SLC8A1: variants seen among roughly 807,000 people sequenced by gnomAD.
SLC8A1 encodes solute carrier family 8 member A1, also known as sodium/calcium exchanger 1.
Under a neutral mutation model 68.3 loss-of-function variants are expected in SLC8A1, and 18 were observed. That is an observed-to-expected ratio of 0.26 (90% CI 0.18 to 0.39). SLC8A1 has a LOEUF of 0.39. SLC8A1 is among the 10% of genes least tolerant of loss of function. The pLI is 1.00. For synonymous variants in SLC8A1, 475 were observed against 415.5 expected (o/e 1.14, Z -1.74); for missense variants, 985 against 1,156.7 (o/e 0.85, Z 2.15).
At chr2:40,233,484 T>C (rs1360227104) in intron 2 of SLC8A1, among the ~76,000 whole-genome samples, 1 of 144,188 alleles carries the variant, frequency 6.9e-6, no homozygotes, top group Non-Finnish European at 1.5e-5. Flanking sequence ...TCATTGTAGA[T>C]TCTGGATATT....
chr2:40,429,382 A>T, exon 2 of SLC8A1: 1 of 1,613,868 alleles, frequency 6.2e-7, no homozygotes, highest in Non-Finnish European at 8.5e-7. Flanking sequence ...GAAATTTTCA[A>T]CATGAGAATT....
chr2:40,273,858 C>CA (rs1031555848), intron 2 of SLC8A1, among the ~76,000 whole-genome samples: 2 of 148,136 alleles, frequency 1.4e-5, no homozygotes, highest in South Asian at 2.1e-4. Flanking sequence ...GTTAATATGC[C>CA]AAGTCCTTTT....
Position 40,211,896 on chromosome 2 carries a change from T to TA in SLC8A1, c.1809-34042dup, listed in dbSNP as rs1221876460. Among the ~76,000 whole-genome samples the TA allele has an allele frequency of 3.3e-5, 5 of 152,296 alleles. No homozygotes were observed. The East Asian group carries it at 9.7e-4, about 29-fold the overall frequency. On this transcript the variant is annotated intron_variant, in intron 2 of 7. Coordinates refer to ENST00000406785, the Ensembl canonical transcript of SLC8A1. ...GTGAAGTGATGTGTCTGTCACACACTAAAAACATAAAAGATGATGCATGAA... is the reference window on the plus strand; with the variant it reads ...GTGAAGTGATGTGTCTGTCACACACTAAAAAACATAAAAGATGATGCATGAA...
chr2:40,348,688 G>T (rs558626786), intron 2 of SLC8A1, among the ~76,000 whole-genome samples: 1 of 152,214 alleles, frequency 6.6e-6, no homozygotes, highest in Non-Finnish European at 1.5e-5. Context: ...AGGGCAGCTA[G>T]TGCTGAAACG....
intron 2 of SLC8A1, among the ~76,000 whole-genome samples, chr2:40,411,127 T>G (rs901221885): frequency 3.3e-4 from 50 of 152,206 alleles, no homozygotes; most frequent in African/African-American, 1.2e-3. Context: ...CATTAGGAAC[T>G]TTGAAAAACA....
chr2:40,406,261 G>A (rs1022187697), intron 2 of SLC8A1, among the ~76,000 whole-genome samples: 2 of 152,160 alleles, frequency 1.3e-5, no homozygotes, highest in Non-Finnish European at 2.9e-5. Flanking sequence ...GTTAGGCAGT[G>A]TAAAAATAAT....
intron 1 of SLC8A1, among the ~76,000 whole-genome samples, chr2:40,465,609 A>T (rs1053781777): frequency 1.3e-5 from 2 of 152,128 alleles, no homozygotes; most frequent in African/African-American, 4.8e-5. Context: ...TTTATTATAA[A>T]ATGTTACCAT....
chr2:40,103,515 G>A (rs750300415), exon 8 of SLC8A1: 4 of 152,084 alleles, frequency 2.6e-5, no homozygotes, highest in Admixed American at 6.5e-5. Context: ...CCTGGTCATT[G>A]CACATCCTGT....
chr2:40,432,277 T>C (rs1698487643), intron 1 of SLC8A1, among the ~76,000 whole-genome samples: 1 of 151,902 alleles, frequency 6.6e-6, no homozygotes, highest in African/African-American at 2.4e-5. Flanking sequence ...ACAAAGTCTC[T>C]GTCCTCACAG....
chr2:40,386,738 G>T (rs1331183155), intron 2 of SLC8A1, among the ~76,000 whole-genome samples: 1 of 150,824 alleles, frequency 6.6e-6, no homozygotes, highest in Non-Finnish European at 1.5e-5. Context: ...AACCCATGAT[G>T]GATGAGCATT....
intron 2 of SLC8A1, among the ~76,000 whole-genome samples, chr2:40,365,346 A>G (rs1476789231): frequency 1.3e-5 from 2 of 152,166 alleles, no homozygotes; most frequent in Non-Finnish European, 2.9e-5. Flanking sequence ...CTTCAGGGCT[A>G]TATCTTTACA....
chr2:40,196,914 G>C (rs116182341), intron 2 of SLC8A1, among the ~76,000 whole-genome samples: 2,573 of 152,132 alleles, frequency 0.017, 28 homozygotes, highest in Non-Finnish European at 0.028. Flanking sequence ...TCAGTGCATT[G>C]ATTAGTGGTA....
intron 2 of SLC8A1, among the ~76,000 whole-genome samples, chr2:40,212,283 CT>C (rs11369856): frequency 3.8e-4 from 52 of 136,838 alleles, no homozygotes; most frequent in South Asian, 1.1e-3. Flanking sequence ...GATGCAATAT[CT>C]TTTTTTTTTT....
intron 2 of SLC8A1, chr2:40,177,873 A>G (rs1471699608): frequency 6.7e-7 from 1 of 1,490,078 alleles, no homozygotes. Context: ...AACACAAGAC[A>G]AAGGCAAAAC....
intron 2 of SLC8A1, among the ~76,000 whole-genome samples, chr2:40,193,429 C>A (rs1317768690): frequency 6.6e-6 from 1 of 151,964 alleles, no homozygotes; most frequent in Non-Finnish European, 1.5e-5. Context: ...AGATTATGCA[C>A]CTCTATGTGT....
At chr2:40,395,268 C>T (rs1445154057) in intron 2 of SLC8A1, among the ~76,000 whole-genome samples, 1 of 152,136 alleles carries the variant, frequency 6.6e-6, no homozygotes, top group Non-Finnish European at 1.5e-5. Flanking sequence ...AAAGTCCGGC[C>T]TGAGTCTCCT....
chr2:40,231,636 A>G (rs2059660323), intron 2 of SLC8A1, among the ~76,000 whole-genome samples: 1 of 151,912 alleles, frequency 6.6e-6, no homozygotes. Context: ...ATCCCCTCAC[A>G]CTGATCTCCT....
intron 2 of SLC8A1, among the ~76,000 whole-genome samples, chr2:40,379,244 C>T (rs1458492197): frequency 6.6e-6 from 1 of 152,132 alleles, no homozygotes; most frequent in Non-Finnish European, 1.5e-5. Context: ...TCATTTGAAT[C>T]TCTAAGCTTC....
At chr2:40,221,013 C>T (rs1020231157) in intron 2 of SLC8A1, among the ~76,000 whole-genome samples, 2 of 152,138 alleles carry the variant, frequency 1.3e-5, no homozygotes, top group African/African-American at 4.8e-5. Context: ...GGACTTCTCC[C>T]TAACTCATTT....
Sources: allele counts gnomAD v4.1 joint callset (sites outside exome capture counted in the v4.1 genomes callset), GRCh38; gene constraint gnomAD v4.1.1; transcripts MANE v1.5; gene names NCBI Gene and HGNC (gene_info 2026-07-23, HGNC 2026-07-21).